DDX60: variants seen among roughly 807,000 people sequenced by gnomAD.
The protein encoded by DDX60 is probable ATP-dependent RNA helicase DDX60.
In DDX60, 165 loss-of-function variants were observed where a neutral mutation model predicts 212.8. That is an observed-to-expected ratio of 0.78 (90% CI 0.68 to 0.88). The LOEUF (loss-of-function observed/expected upper bound fraction) is 0.88, where lower values mean the gene tolerates loss of function less well. DDX60 is among the 40% of genes least tolerant of loss of function. DDX60 has a pLI of 0.00. For synonymous variants in DDX60, 703 were observed against 685.3 expected (o/e 1.03, Z -0.40); for missense variants, 1,905 against 2,003.9 (o/e 0.95, Z 0.94).
Position 168,273,917 on chromosome 4 carries a change from A to G in DDX60, c.2454+17T>C, listed in dbSNP as rs534303824. 1.2e-6 allele frequency: 2 copies of G among 1,608,408 alleles called. No homozygotes were observed. Among genetic ancestry groups the G allele is most frequent in the African/African-American group, 2.7e-5 (2 of 74,836 alleles). ...GTTCAGGAATGAAAGAGAATATTATAGTCACTTGAGCACTACCTTTGTGGG... is the reference window on the plus strand; with the variant it reads ...GTTCAGGAATGAAAGAGAATATTATGGTCACTTGAGCACTACCTTTGTGGG... On this transcript the variant is annotated intron_variant, in intron 17 of 37. Coordinates refer to ENST00000393743, the MANE Select transcript of DDX60 (RefSeq NM_017631.6).
intron 2 of DDX60, 91 bp from the exon 3 acceptor site, chr4:168,311,158 G>A: frequency 6.8e-7 from 1 of 1,474,624 alleles, no homozygotes; most frequent in Non-Finnish European, 9.4e-7. Context: ...ATTCAAGAAA[G>A]TAAAACAGTA....
At chr4:168,312,756 G>A (rs78102261) in intron 1 of DDX60, among the ~76,000 whole-genome samples, 1 of 68,974 alleles carries the variant, frequency 1.4e-5, no homozygotes, top group African/African-American at 8.5e-5. Flanking sequence ...ATATGATAGA[G>A]AGAGAGAGAT....
rs1299963146 is a variant in DDX60, at chr4:168,274,095, A to AGAGT, written c.2305-16_2305-13dup. Reference sequence around the variant, plus strand: ...TCAAGGAGCTCTCGCTGCAGGGTGCAGAGTACCATTCATGTCAAGAAACTG... The same window carrying AGAGT: ...TCAAGGAGCTCTCGCTGCAGGGTGCAGAGTGAGTACCATTCATGTCAAGAAACTG... On this transcript the variant is annotated splice_polypyrimidine_tract_variant and intron_variant, in intron 16 of 37. Coordinates refer to ENST00000393743, the MANE Select transcript of DDX60 (RefSeq NM_017631.6). 6.2e-7 allele frequency: 1 copy of AGAGT among 1,613,962 alleles called. No individual in the cohort carries two copies. Among genetic ancestry groups the AGAGT allele is most frequent in the East Asian group, 2.2e-5 (1 of 44,882 alleles).
At chr4:168,310,886 T>C (rs932095708) in intron 3 of DDX60, 112 bp downstream of exon 3, 4 of 577,392 alleles carry the variant, frequency 6.9e-6, no homozygotes, top group Non-Finnish European at 1.2e-5. Flanking sequence ...TCAGTGCCCT[T>C]AGCCCCTACA....
At chr4:168,318,420 C>T (rs928768094) in intron 1 of DDX60, among the ~76,000 whole-genome samples, 1 of 152,250 alleles carries the variant, frequency 6.6e-6, no homozygotes, top group Non-Finnish European at 1.5e-5. Flanking sequence ...CTTTCCTCCG[C>T]CCCTCCCCAC....
rs777187379 is a variant in DDX60 at position 168,236,349 on chromosome 4, A to C, written c.4436T>G (p.Val1479Gly). 1 of 1,607,146 alleles carries C rather than the reference A, an allele frequency of 6.2e-7. No homozygotes were observed. Among genetic ancestry groups the C allele is most frequent in the Non-Finnish European group, 8.5e-7 (1 of 1,176,942 alleles). Reference protein sequence around the residue: ...RKGSKHFSQDVMEKLVLVLAH... With the variant: ...RKGSKHFSQDGMEKLVLVLAH... ...CAATACTAATACTAGCTTTTCCATAACGTCTTGAGAAAAATGTTTTGAGCC... is the reference window on the plus strand; with the variant it reads ...CAATACTAATACTAGCTTTTCCATACCGTCTTGAGAAAAATGTTTTGAGCC... The change falls in exon 33 of 38, where the codon GTT (valine) becomes GGT (glycine). Residue 1479 changes from valine (V) to glycine (G), a missense_variant. By Grantham distance (109) the Val-to-Gly change is moderately radical (BLOSUM62 -3). Transcript: ENST00000393743.
At chr4:168,318,260 T>C (rs954593519) in intron 1 of DDX60, among the ~76,000 whole-genome samples, 3 of 152,150 alleles carry the variant, frequency 2.0e-5, no homozygotes, top group African/African-American at 4.8e-5. Context: ...CTGCTGTCAA[T>C]GTACAGGTTT....
At chr4:168,302,514 C>T (rs1026719780) in intron 5 of DDX60, 98 bp from the exon 6 acceptor site, 24 of 516,092 alleles carry the variant, frequency 4.7e-5, no homozygotes, top group South Asian at 1.3e-4. Context: ...AATTATGTTA[C>T]GATATATTTC....
At chr4:168,275,137 A>G (rs1362837899) in intron 16 of DDX60, among the ~76,000 whole-genome samples, 4 of 152,182 alleles carry the variant, frequency 2.6e-5, no homozygotes, top group Admixed American at 1.3e-4. Context: ...CCATTAATGT[A>G]CCTCCAAGGA....
chr4:168,243,425 A>C (rs988151773), intron 30 of DDX60, among the ~76,000 whole-genome samples: 3 of 152,200 alleles, frequency 2.0e-5, no homozygotes, highest in African/African-American at 7.2e-5. Context: ...AAAAACAAAC[A>C]ACCCATTAAA....
chr4:168,270,341 T>C (rs1735035138), intron 19 of DDX60, among the ~76,000 whole-genome samples: 1 of 152,258 alleles, frequency 6.6e-6, no homozygotes, highest in African/African-American at 2.4e-5. Flanking sequence ...AGTCAAATTA[T>C]ATACCTATTA....
At chr4:168,234,184 T>C (rs145044001) in intron 33 of DDX60, among the ~76,000 whole-genome samples, 2 of 152,258 alleles carry the variant, frequency 1.3e-5, no homozygotes, top group Non-Finnish European at 2.9e-5. Context: ...TTTAGCTTAA[T>C]GTTTTTCTAC....
intron 13 of DDX60, among the ~76,000 whole-genome samples, chr4:168,283,168 C>T (rs983040440): frequency 7.2e-5 from 11 of 152,108 alleles, no homozygotes; most frequent in African/African-American, 2.2e-4. Flanking sequence ...ATATTTTTAA[C>T]GTTAGTTTAA....
intron 8 of DDX60, among the ~76,000 whole-genome samples, chr4:168,288,671 A>G (rs1735966354): frequency 6.6e-6 from 1 of 152,176 alleles, no homozygotes; most frequent in African/African-American, 2.4e-5. Flanking sequence ...TTAGATTTTA[A>G]TATGTTCAGA....
chr4:168,292,477 A>T (rs929365621), intron 7 of DDX60, among the ~76,000 whole-genome samples: 16 of 152,110 alleles, frequency 1.1e-4, no homozygotes, highest in Non-Finnish European at 1.9e-4. Context: ...AAAATAAAAC[A>T]TTTTTCAGGA....
intron 8 of DDX60, among the ~76,000 whole-genome samples, chr4:168,290,395 C>T (rs1444502584): frequency 6.8e-6 from 1 of 146,324 alleles, no homozygotes; most frequent in African/African-American, 2.5e-5. Context: ...GTGGTGCGAT[C>T]TCGGCTCACT....
chr4:168,254,562 C>T (rs1386125268), intron 26 of DDX60, among the ~76,000 whole-genome samples: 1 of 152,060 alleles, frequency 6.6e-6, no homozygotes, highest in Non-Finnish European at 1.5e-5. Context: ...AGGTAATGTG[C>T]TAAGCACTAA....
At chr4:168,222,876 C>G (rs1733110573) in intron 35 of DDX60, among the ~76,000 whole-genome samples, 1 of 151,954 alleles carries the variant, frequency 6.6e-6, no homozygotes, top group Admixed American at 6.6e-5. Flanking sequence ...CTATTCGAAA[C>G]AGGAGAACAG....
intron 33 of DDX60, among the ~76,000 whole-genome samples, chr4:168,230,555 C>T (rs1166821698): frequency 6.6e-6 from 1 of 152,056 alleles, no homozygotes; most frequent in Non-Finnish European, 1.5e-5. Flanking sequence ...CATGCAAATA[C>T]ATGGAAATTA....
Sources: gnomAD v4.1 joint callset for allele counts (sites outside exome capture counted in the v4.1 genomes callset) on GRCh38, gnomAD v4.1.1 for gene constraint, MANE v1.5 for transcripts, NCBI Gene and HGNC (gene_info 2026-07-23, HGNC 2026-07-21) for gene names.